SDK2: variants seen among roughly 807,000 people sequenced by gnomAD.
The protein encoded by SDK2 is protein sidekick-2.
A neutral mutation model predicts 253.9 loss-of-function variants in SDK2; 105 were observed. The observed-to-expected ratio is 0.41, with a 90% CI of 0.35 to 0.49. The LOEUF (loss-of-function observed/expected upper bound fraction) is 0.49. Ranked by LOEUF, SDK2 falls within the 20% of genes least tolerant of loss-of-function variation. SDK2 has a pLI of 0.06. For missense variants in SDK2, 2,608 were observed against 3,003.0 expected, an observed-to-expected ratio of 0.87 and a Z score of 3.07; for synonymous variants, 1,249 against 1,234.9, an observed-to-expected ratio of 1.01 and a Z score of -0.24.
rs945204777 is a variant in SDK2, at chr17:73,527,491, G to C, written c.65-19894C>G. Reference sequence around the variant, plus strand: ...CATTCACATCTGGCTCAGAACTGGAGGGGGACTCCTATGGTTGGAGTCCTA... The same window carrying C: ...CATTCACATCTGGCTCAGAACTGGACGGGGACTCCTATGGTTGGAGTCCTA... On this transcript the variant is annotated intron_variant, in intron 1 of 44. Transcript: ENST00000392650. Among the ~76,000 whole-genome samples the C allele has an allele frequency of 3.3e-5, 5 of 152,176 alleles. No homozygotes were observed. The East Asian group carries it at 7.7e-4, about 23-fold the overall frequency.
At chr17:73,457,015 A>T (rs1387643301) in intron 3 of SDK2, among the ~76,000 whole-genome samples, 3 of 152,180 alleles carry the variant, frequency 2.0e-5, no homozygotes, top group Non-Finnish European at 4.4e-5. Context: ...GACCTGCTGG[A>T]TCAGAAGCAG....
chr17:73,415,804 T>A lies in SDK2; in HGVS notation c.2368+7A>T, dbSNP rs569503087. ...GCGCCTGGTCTGAGACCACAGTCTC[T>A]ACCTACCTCCCTGCAGCGTCCACTC... On this transcript the variant is annotated splice_region_variant and intron_variant, in intron 17 of 44. Transcript: ENST00000392650. The A allele has an allele frequency of 6.4e-7, 1 of 1,550,970 alleles. No homozygotes were observed. The highest frequency in any genetic ancestry group is 2.4e-5 in the East Asian group (1 of 40,892).
intron 6 of SDK2, among the ~76,000 whole-genome samples, chr17:73,440,317 G>GCTGGT (rs1303059447): frequency 2.6e-5 from 4 of 151,992 alleles, no homozygotes; most frequent in African/African-American, 7.3e-5. Context: ...TGTTGGTCAG[G>GCTGGT]CTGGTCTTGA....
At chr17:73,380,214 G>A (rs75345616) in intron 34 of SDK2, among the ~76,000 whole-genome samples, 1 of 152,114 alleles carries the variant, frequency 6.6e-6, no homozygotes, top group Admixed American at 6.6e-5. Flanking sequence ...CCTTTAACAG[G>A]GTTGTGAGAG....
intron 15 of SDK2, among the ~76,000 whole-genome samples, chr17:73,421,371 C>T (rs1170671171): frequency 1.3e-5 from 2 of 152,144 alleles, no homozygotes; most frequent in Non-Finnish European, 2.9e-5. Flanking sequence ...AAGCCCCAGG[C>T]GTCTTTCAAA....
intron 32 of SDK2, 82 bp from the exon 33 acceptor site, chr17:73,384,093 A>G (rs1599506764): frequency 6.9e-7 from 1 of 1,452,086 alleles, no homozygotes; most frequent in East Asian, 2.5e-5. Flanking sequence ...TGCCTCCTGC[A>G]GCCACAGAGC....
At chr17:73,457,507 C>T (rs56216435) in intron 3 of SDK2, among the ~76,000 whole-genome samples, 91,400 of 150,496 alleles carry the variant, frequency 0.61, 28,674 homozygotes, top group East Asian at 0.83. Context: ...CCCGCCAGCA[C>T]GCCCAGCTAA....
At chr17:73,405,820 C>T (rs1390161722) in intron 18 of SDK2, among the ~76,000 whole-genome samples, 11 of 150,788 alleles carry the variant, frequency 7.3e-5, no homozygotes, top group African/African-American at 1.7e-4. Context: ...CTCGGGTTCA[C>T]GCCATTCTCC....
rs141996258 is a variant in SDK2, at chr17:73,352,704, G to A, written c.5594-67C>T. On this transcript the variant is annotated intron_variant, in intron 40 of 44. Transcript: ENST00000392650. The surrounding 1 kb of genome is among the most constrained non-coding windows in gnomAD (Gnocchi z 4.1). ...AGCCCCAAATCCCGCTCCCAGCCCC[G>A]TTCTGACTATGCTCCCTGAGGGCTG... 1.4e-3 allele frequency: 2,150 copies of A among 1,533,140 alleles called. 19 individuals are homozygous for A. Among genetic ancestry groups the A allele is most frequent in the South Asian group, 0.01 (873 of 85,894 alleles). The allele number at this position is 1,533,140 out of a possible 1,614,324, so 95.0% of individuals were successfully genotyped here.
intron 18 of SDK2, among the ~76,000 whole-genome samples, chr17:73,408,068 T>TTTTTTTG (rs1599535396): frequency 6.8e-6 from 1 of 146,550 alleles, no homozygotes; most frequent in Non-Finnish European, 1.5e-5. Context: ...TTTTTTTCTT[T>TTTTTTTG]TGAGACAGAG....
chr17:73,565,371 T>A (rs2045297334), intron 1 of SDK2, among the ~76,000 whole-genome samples: 1 of 152,124 alleles, frequency 6.6e-6, no homozygotes, highest in Admixed American at 6.5e-5. Flanking sequence ...AAGTTTGGAG[T>A]TTGAGTGCAG....
intron 1 of SDK2, among the ~76,000 whole-genome samples, chr17:73,547,172 G>A (rs1198974155): frequency 6.6e-6 from 1 of 152,224 alleles, no homozygotes; most frequent in Non-Finnish European, 1.5e-5. Flanking sequence ...CAGAGTCCAC[G>A]CCCTCCAGGC....
chr17:73,405,756 G>A (rs2063072075), intron 18 of SDK2, among the ~76,000 whole-genome samples: 1 of 144,646 alleles, frequency 6.9e-6, no homozygotes, highest in African/African-American at 2.6e-5. Context: ...GTCTCGCTCT[G>A]TCGCCCAGGC....
intron 1 of SDK2, among the ~76,000 whole-genome samples, chr17:73,508,195 C>T (rs540843477): frequency 4.0e-4 from 61 of 152,350 alleles, no homozygotes; most frequent in African/African-American, 1.1e-3. Flanking sequence ...CTAGGCTGGC[C>T]GCCTGGTTGC....
chr17:73,338,723 C>G lies in SDK2; in HGVS notation c.6383G>C (p.Arg2128Pro). Reference sequence around the variant, plus strand: ...CGTTGGAGTCCGACTGGCCTTGGGCCGAAAGAGGCTGCCCTGCTGGGTGCT... The same window carrying G: ...CGTTGGAGTCCGACTGGCCTTGGGCGGAAAGAGGCTGCCCTGCTGGGTGCT... The part of the protein sequence containing the change: ...STSTQQGSLF[R>P]PKASRTPTPQ... The change falls in exon 45 of 45, where the codon CGG becomes CCG. Residue 2128 changes from arginine (R) to proline (P), a missense_variant. This residue lies in a region of SDK2 where 1,103 missense variants were observed against 1,143.9 expected (regional missense o/e 0.96). Coordinates refer to ENST00000392650, the MANE Select transcript of SDK2 (RefSeq NM_001144952.2). The surrounding 1 kb of genome is among the most constrained non-coding windows in gnomAD (Gnocchi z 5.0). 1 of 1,612,602 alleles carries G rather than the reference C, an allele frequency of 6.2e-7. No homozygotes were observed. Among genetic ancestry groups the G allele is most frequent in the Non-Finnish European group, 8.5e-7 (1 of 1,179,302 alleles).
rs777620068 is a variant in SDK2, at chr17:73,437,235, G to A, written c.1000+504C>T. ...CCCTGGCTGCGGGCTGTCTTTTGGC[G>A]GAAATGAATCAGAAGGAAGGACGGT... On this transcript the variant is annotated intron_variant, in intron 8 of 44. Coordinates refer to ENST00000392650, the MANE Select transcript of SDK2 (RefSeq NM_001144952.2). Among the ~76,000 whole-genome samples, 22 of 152,210 alleles carry A rather than the reference G, an allele frequency of 1.4e-4. 1 individual carries two copies. Among genetic ancestry groups the A allele is most frequent in the Admixed American group, 1.3e-3 (20 of 15,288 alleles).
At chr17:73,508,979 G>T (rs893760640) in intron 1 of SDK2, among the ~76,000 whole-genome samples, 1 of 152,224 alleles carries the variant, frequency 6.6e-6, no homozygotes, top group Non-Finnish European at 1.5e-5. Flanking sequence ...CAGCCGGCGG[G>T]GAGGAGTCCA....
At chr17:73,463,613 G>C (rs766236134) in intron 3 of SDK2, among the ~76,000 whole-genome samples, 2 of 152,028 alleles carry the variant, frequency 1.3e-5, no homozygotes, top group Non-Finnish European at 2.9e-5. Context: ...CTTACCTAGA[G>C]ATGCAAACTT....
intron 2 of SDK2, among the ~76,000 whole-genome samples, chr17:73,494,053 C>T (rs1223196624): frequency 2.0e-5 from 3 of 152,226 alleles, no homozygotes; most frequent in Non-Finnish European, 2.9e-5. Flanking sequence ...ATGTTCCCAT[C>T]CCTGACCCGG....
Sources: gnomAD v4.1 joint callset for allele counts (sites outside exome capture counted in the v4.1 genomes callset) on GRCh38, gnomAD v4.1.1 for gene constraint, gnomAD v4.1.1 regional missense constraint, Gnocchi (gnomAD v3.1) non-coding constraint, MANE v1.5 for transcripts, NCBI Gene and HGNC (gene_info 2026-07-23, HGNC 2026-07-21) for gene names.